CD274: variants seen among roughly 807,000 people sequenced by gnomAD.
The protein encoded by CD274 is programmed cell death 1 ligand 1.
In CD274, 8 loss-of-function variants were observed where a neutral mutation model predicts 30.1. The ratio of observed to expected loss-of-function variants is 0.27; its 90% CI spans 0.16 to 0.48. CD274 has a LOEUF of 0.48. Ranked by LOEUF, CD274 falls within the 20% of genes least tolerant of loss-of-function variation. CD274 has a pLI of 0.99. For synonymous variants in CD274, 152 were observed against 124.6 expected, an observed-to-expected ratio of 1.22 and a Z score of -1.46; for missense variants, 353 against 346.6, an observed-to-expected ratio of 1.02 and a Z score of -0.15.
intron 1 of CD274, among the ~76,000 whole-genome samples, chr9:5,454,799 T>C (rs1233644671): frequency 6.6e-6 from 1 of 152,172 alleles, no homozygotes; most frequent in African/African-American, 2.4e-5. Context: ...TTTGTTCATA[T>C]CTTCACAAAC....
rs1819552791 is a variant in CD274, at chr9:5,469,522, T to A, written c.*1660T>A. On this transcript the variant is annotated 3_prime_UTR_variant, in exon 7 of 7. Coordinates refer to ENST00000381577, the MANE Select transcript of CD274 (RefSeq NM_014143.4). ...TTTTTTCCTAAATAGTAACACATTG[T>A]ATGTCTGCTGTGTACTTTGCTATTT... 2 of 231,422 alleles carry A rather than the reference T, an allele frequency of 8.6e-6. No individual in the cohort carries two copies. The highest frequency in any genetic ancestry group is 4.4e-5 in the African/African-American group (2 of 45,278). The allele number at this position is 231,422 out of a possible 1,614,324, so 14.3% of individuals were successfully genotyped here. A position where few individuals can be genotyped will look rare whatever the true frequency, so the allele number is the denominator to read the frequency against.
intron 1 of CD274, among the ~76,000 whole-genome samples, chr9:5,455,771 G>GA (rs1483877407): frequency 6.6e-6 from 1 of 152,156 alleles, no homozygotes; most frequent in African/African-American, 2.4e-5. Flanking sequence ...TTACAATGCA[G>GA]AAAAAACATG....
In CD274 at chr9:5,466,192, G is replaced by A. The variant is rs1234092577; in HGVS notation, c.791-578G>A. The stretch of plus-strand genomic sequence containing the variant: ...AAGTATACCAAGAGATCCAGTGATG[G>A]TATAGAGTTGTCTGATGTTAAATAG... On this transcript the variant is annotated intron_variant, in intron 5 of 6. Transcript: ENST00000381577. Among the ~76,000 whole-genome samples, 3 of 152,164 alleles carry A rather than the reference G, an allele frequency of 2.0e-5. No homozygotes were observed. The South Asian group carries it at 6.2e-4, about 32-fold the overall frequency.
At position 5,468,010 on chromosome 9, in the gene CD274, C is replaced by G. The variant is rs565966694; in HGVS notation, c.*148C>G. Reference sequence around the variant, plus strand: ...AAAGGCCCAAGCACTGAAAATGGAACCTGGCGAAAGCAGAGGAGGAGAATG... The same window carrying G: ...AAAGGCCCAAGCACTGAAAATGGAAGCTGGCGAAAGCAGAGGAGGAGAATG... On this transcript the variant is annotated 3_prime_UTR_variant, in exon 7 of 7. Transcript: ENST00000381577. The G allele has an allele frequency of 7.6e-5, 53 of 694,628 alleles. 1 individual carries two copies. The Middle Eastern group carries it at 1.5e-3, about 20-fold the overall frequency. 43.0% of individuals were successfully genotyped at this position (694,628 alleles called of 1,614,324 possible).
At chr9:5,463,248 C>T in intron 4 of CD274, 127 bp downstream of exon 4, 2 of 711,210 alleles carry the variant, frequency 2.8e-6, no homozygotes, top group Non-Finnish European at 4.8e-6. Context: ...ACTATGTTTA[C>T]AAAATATATC....
At chr9:5,462,413 G>C (rs1193735689) in intron 3 of CD274, among the ~76,000 whole-genome samples, 1 of 152,164 alleles carries the variant, frequency 6.6e-6, no homozygotes, top group Non-Finnish European at 1.5e-5. Context: ...CTGAACAAAT[G>C]GAGAGGGATA....
In CD274 at chr9:5,463,041, C is replaced by A. The variant is rs759852362; in HGVS notation, c.602C>A (p.Thr201Lys). The change falls in exon 4 of 7, where the codon ACA (threonine) becomes AAA (lysine). Residue 201 changes from threonine to lysine, a missense_variant. By Grantham distance (78) the Thr-to-Lys change is moderately conservative. Coordinates refer to ENST00000381577, the MANE Select transcript of CD274 (RefSeq NM_014143.4). ...GTGACCAGCACACTGAGAATCAACA[C>A]AACAACTAATGAGATTTTCTACTGC... ...FNVTSTLRIN[T>K]TTNEIFYCTF... 1.4e-5 allele frequency: 23 copies of A among 1,613,748 alleles called. No individual in the cohort carries two copies. Among genetic ancestry groups the A allele is most frequent in the African/African-American group, 5.3e-5 (4 of 74,918 alleles).
Position 5,461,577 on chromosome 9 carries a change from T to G in CD274, c.395-1257T>G, listed in dbSNP as rs558280356. Among the ~76,000 whole-genome samples, 8 of 152,266 alleles carry G rather than the reference T, an allele frequency of 5.3e-5. No homozygotes were observed. In the South Asian group the frequency reaches 1.4e-3, roughly 28 times the overall value. On this transcript the variant is annotated intron_variant, in intron 3 of 6. Coordinates refer to ENST00000381577, the MANE Select transcript of CD274 (RefSeq NM_014143.4). ...AGAAATTACCTCACAAATCTATTGC[T>G]GTCCTTGGTAAAGGAATGGAGAATT... is the stretch of plus-strand genomic sequence containing the variant.
chr9:5,464,584 C>T (rs111723477), intron 4 of CD274, among the ~76,000 whole-genome samples: 2,100 of 152,098 alleles, frequency 0.014, 37 homozygotes, highest in African/African-American at 0.047. Flanking sequence ...TGCATGGTAC[C>T]CCAGACAAGG....
intron 4 of CD274, among the ~76,000 whole-genome samples, chr9:5,465,131 G>A (rs983240955): frequency 2.7e-5 from 4 of 150,378 alleles, no homozygotes; most frequent in Admixed American, 6.6e-5. Context: ...AATCAAGGCC[G>A]CCATTTAATA....
Position 5,467,927 on chromosome 9 carries a change from G to A in CD274, c.*65G>A. On this transcript the variant is annotated 3_prime_UTR_variant, in exon 7 of 7. Transcript: ENST00000381577. Reference sequence around the variant, plus strand: ...AACCTGTGGTTTAGGGGTTCATCGGGGCTGAGCGTGACAAGAGGAAGGAAT... The same window carrying A: ...AACCTGTGGTTTAGGGGTTCATCGGAGCTGAGCGTGACAAGAGGAAGGAAT... 1 of 1,396,896 alleles carries A rather than the reference G, an allele frequency of 7.2e-7. No individual in the cohort carries two copies. Among genetic ancestry groups the A allele is most frequent in the East Asian group, 2.3e-5 (1 of 43,902 alleles). 86.5% of individuals were successfully genotyped at this position (1,396,896 alleles called of 1,614,324 possible). A position where few individuals can be genotyped will look rare whatever the true frequency, so the allele number is the denominator to read the frequency against.
intron 1 of CD274, among the ~76,000 whole-genome samples, chr9:5,453,498 C>T (rs1819244578): frequency 6.6e-6 from 1 of 152,108 alleles, no homozygotes; most frequent in Admixed American, 6.5e-5. Context: ...AGGCACTCAA[C>T]GAATATTTGC....
At chr9:5,463,850 T>G (rs1209342416) in intron 4 of CD274, among the ~76,000 whole-genome samples, 7 of 152,082 alleles carry the variant, frequency 4.6e-5, no homozygotes, top group Non-Finnish European at 8.8e-5. Flanking sequence ...CAAATTCAAC[T>G]ATTTTTTTTT....
chr9:5,465,756 A>G (rs1819488137), intron 5 of CD274, 150 bp downstream of exon 5: 2 of 558,472 alleles, frequency 3.6e-6, no homozygotes, highest in Middle Eastern at 3.7e-4. Flanking sequence ...GCTGAGTGGG[A>G]TCACTGGGTG....
intron 5 of CD274, 103 bp from the exon 6 acceptor site, chr9:5,466,667 A>G (rs1586769183): frequency 1.1e-5 from 9 of 822,742 alleles, no homozygotes; most frequent in Non-Finnish European, 1.8e-5. Flanking sequence ...CAGACTTCCT[A>G]GGGATTACAA....
intron 3 of CD274, among the ~76,000 whole-genome samples, chr9:5,457,820 G>A (rs760797945): frequency 6.6e-6 from 1 of 152,070 alleles, no homozygotes; most frequent in Non-Finnish European, 1.5e-5. Context: ...ACCATTATTT[G>A]TGTGTCCCTC....
In CD274 at chr9:5,470,480, T is replaced by C; in HGVS notation, c.*2618T>C. The C allele has an allele frequency of 4.5e-6, 1 of 220,354 alleles. No homozygotes were observed. Among genetic ancestry groups the C allele is most frequent in the Non-Finnish European group, 9.1e-6 (1 of 109,888 alleles). The allele number at this position is 220,354 out of a possible 1,614,324, so 13.6% of individuals were successfully genotyped here. On this transcript the variant is annotated 3_prime_UTR_variant, in exon 7 of 7. Coordinates refer to ENST00000381577, the MANE Select transcript of CD274 (RefSeq NM_014143.4). The stretch of plus-strand genomic sequence containing the variant: ...ATTTAATAAAATATTCTTATTTATT[T>C]TGTTACTTGGTACACCAGCATGTCC...
At chr9:5,464,321 T>A (rs1022591429) in intron 4 of CD274, among the ~76,000 whole-genome samples, 4 of 152,202 alleles carry the variant, frequency 2.6e-5, no homozygotes, top group African/African-American at 4.8e-5. Context: ...TTGGGGATTT[T>A]TTTTTAAATA....
At chr9:5,466,959 G>T in intron 6 of CD274, 130 bp downstream of exon 6, 1 of 648,912 alleles carries the variant, frequency 1.5e-6, no homozygotes, top group Non-Finnish European at 2.6e-6. Flanking sequence ...TTGCCTCACA[G>T]CTAACACAAG....
Sources: allele counts gnomAD v4.1 joint callset (sites outside exome capture counted in the v4.1 genomes callset), GRCh38; gene constraint gnomAD v4.1.1; transcripts MANE v1.5; gene names NCBI Gene and HGNC (gene_info 2026-07-23, HGNC 2026-07-21).